SPAG16: variants seen among roughly 807,000 people sequenced by gnomAD.
SPAG16 encodes the protein sperm associated antigen 16, also known as sperm-associated antigen 16 protein.
SPAG16 carries 86 observed loss-of-function variants against 80.4 expected under a neutral mutation model. The observed-to-expected ratio is 1.07, with a 90% confidence interval of 0.90 to 1.28. The LOEUF (loss-of-function observed/expected upper bound fraction) is 1.28, where lower values mean the gene tolerates loss of function less well. Among genes scored for constraint, SPAG16 ranks in the 50% most tolerant of loss-of-function variants. The pLI, the probability that SPAG16 is intolerant of heterozygous loss-of-function variation, is 0.00. For missense variants in SPAG16, 870 were observed against 765.3 expected (o/e 1.14, Z -1.61); for synonymous variants, 294 against 265.9 (o/e 1.11, Z -1.03).
intron 15 of SPAG16, among the ~76,000 whole-genome samples, chr2:214,261,231 C>G (rs1691153937): frequency 6.7e-6 from 1 of 149,180 alleles, no homozygotes; most frequent in African/African-American, 2.5e-5. Flanking sequence ...CTCTCTTTTT[C>G]TCTCTCTTTC....
At chr2:213,289,329 T>C (rs538212753) in intron 1 of SPAG16, among the ~76,000 whole-genome samples, 1 of 152,326 alleles carries the variant, frequency 6.6e-6, no homozygotes, top group African/African-American at 2.4e-5. Context: ...CCATGAGCAC[T>C]GAGTCTTACA....
intron 10 of SPAG16, among the ~76,000 whole-genome samples, chr2:213,560,428 T>C (rs1034237853): frequency 7.3e-4 from 111 of 152,166 alleles, no homozygotes; most frequent in African/African-American, 2.6e-3. Flanking sequence ...TCCATTCAGA[T>C]ATAAAGTAAT....
chr2:214,203,300 G>A (rs555223104), intron 15 of SPAG16, among the ~76,000 whole-genome samples: 1 of 152,066 alleles, frequency 6.6e-6, no homozygotes, highest in African/African-American at 2.4e-5. Flanking sequence ...GTTGAAGGGG[G>A]GAAATGGCAG....
At chr2:213,561,629 C>G (rs1176605932) in intron 10 of SPAG16, among the ~76,000 whole-genome samples, 2 of 152,178 alleles carry the variant, frequency 1.3e-5, no homozygotes, top group African/African-American at 4.8e-5. Flanking sequence ...TATATGCACA[C>G]ATGAAGAGCA....
intron 15 of SPAG16, among the ~76,000 whole-genome samples, chr2:214,269,704 T>C (rs1172599433): frequency 6.6e-6 from 1 of 152,096 alleles, no homozygotes; most frequent in African/African-American, 2.4e-5. Context: ...ATATGTCATG[T>C]AGCTGTTAAA....
intron 10 of SPAG16, among the ~76,000 whole-genome samples, chr2:213,779,920 T>A (rs1280633462): frequency 6.6e-6 from 1 of 152,218 alleles, no homozygotes; most frequent in Non-Finnish European, 1.5e-5. Flanking sequence ...GAAGTAAACT[T>A]AAGTGCATAA....
chr2:214,005,932 T>C (rs1313777795), intron 12 of SPAG16, among the ~76,000 whole-genome samples: 2 of 152,190 alleles, frequency 1.3e-5, no homozygotes, highest in Non-Finnish European at 2.9e-5. Flanking sequence ...GTTTCACTTA[T>C]GTTCATGTTG....
chr2:213,656,770 C>T (rs1030746305), intron 10 of SPAG16, among the ~76,000 whole-genome samples: 11 of 152,140 alleles, frequency 7.2e-5, no homozygotes, highest in African/African-American at 2.2e-4. Flanking sequence ...TTTGAAGAAT[C>T]TCAATATTTT....
chr2:213,745,755 A>G (rs936398294), intron 10 of SPAG16, among the ~76,000 whole-genome samples: 1 of 152,188 alleles, frequency 6.6e-6, no homozygotes, highest in African/African-American at 2.4e-5. Flanking sequence ...TCTTATAATA[A>G]TCAACTTTAA....
At chr2:213,654,540 CAAAAAA>C (rs36009811) in intron 10 of SPAG16, among the ~76,000 whole-genome samples, 5 of 56,734 alleles carry the variant, frequency 8.8e-5, no homozygotes, top group African/African-American at 1.8e-4. Flanking sequence ...ACTAAAAATA[CAAAAAA>C]AAAAAAAAAA....
intron 15 of SPAG16, 134 bp downstream of exon 15, chr2:214,149,400 A>T (rs1348998747): frequency 1.3e-6 from 1 of 749,396 alleles, no homozygotes; most frequent in African/African-American, 1.8e-5. Context: ...ATATTACATT[A>T]CATTAAGATA....
intron 9 of SPAG16, among the ~76,000 whole-genome samples, chr2:213,399,352 T>C (rs980288836): frequency 3.9e-5 from 6 of 152,060 alleles, no homozygotes; most frequent in Non-Finnish European, 1.5e-5. Flanking sequence ...TGACCATAAG[T>C]GATTGGTAAT....
At chr2:213,294,471 A>G (rs1482094893) in intron 1 of SPAG16, among the ~76,000 whole-genome samples, 1 of 152,254 alleles carries the variant, frequency 6.6e-6, no homozygotes, top group East Asian at 1.9e-4. Context: ...GTAGTATTTA[A>G]TATGGATGAA....
intron 11 of SPAG16, among the ~76,000 whole-genome samples, chr2:213,864,758 A>G (rs539065367): frequency 6.6e-6 from 1 of 152,192 alleles, no homozygotes; most frequent in South Asian, 2.1e-4. Flanking sequence ...GACATATCCA[A>G]ATTTTGTTTG....
At position 213,862,492 on chromosome 2, in the gene SPAG16, A is replaced by T. The variant is rs948692339; in HGVS notation, c.1078A>T (p.Met360Leu). Residue 360 changes from methionine to leucine, a missense_variant, in exon 11 of 16, where the codon ATG becomes TTG. Physicochemically the swap from Met to Leu is conservative, Grantham distance 15. Transcript: ENST00000331683. The stretch of plus-strand genomic sequence containing the variant: ...TTCTTTCTCCTCGCGCAGTGTCTCC[A>T]TGCAACCCCACAAAGACATCCTAGT... ...LHELPVSCVS[M>L]QPHKDILVSC... is the part of the protein sequence containing the mutation. 6.2e-7 allele frequency: 1 copy of T among 1,613,970 alleles called. No homozygotes were observed. Among genetic ancestry groups the T allele is most frequent in the Non-Finnish European group, 8.5e-7 (1 of 1,179,900 alleles).
At chr2:213,910,040 C>T (rs1383515523) in intron 11 of SPAG16, among the ~76,000 whole-genome samples, 1 of 152,096 alleles carries the variant, frequency 6.6e-6, no homozygotes, top group East Asian at 1.9e-4. Context: ...AAAATCATAC[C>T]TTTTACTTAT....
chr2:213,815,676 C>T (rs1244353390), intron 10 of SPAG16, among the ~76,000 whole-genome samples: 5 of 152,026 alleles, frequency 3.3e-5, no homozygotes, highest in African/African-American at 1.2e-4. Context: ...CTTCCTTTAA[C>T]TACCATAATG....
At chr2:213,572,652 AG>A (rs1413090122) in intron 10 of SPAG16, among the ~76,000 whole-genome samples, 17 of 152,208 alleles carry the variant, frequency 1.1e-4, no homozygotes, top group African/African-American at 3.9e-4. Flanking sequence ...GCTGTCAGAC[AG>A]GGACACTTAA....
At chr2:214,319,115 A>T (rs1486088178) in intron 15 of SPAG16, among the ~76,000 whole-genome samples, 1 of 151,940 alleles carries the variant, frequency 6.6e-6, no homozygotes, top group Non-Finnish European at 1.5e-5. Context: ...CTTATGCTTC[A>T]AAGAAGTGGA....
Sources: allele counts gnomAD v4.1 joint callset (sites outside exome capture counted in the v4.1 genomes callset), GRCh38; gene constraint gnomAD v4.1.1; transcripts MANE v1.5; gene names NCBI Gene and HGNC (gene_info 2026-07-23, HGNC 2026-07-21).